The following WDR49 variants were observed in gnomAD, a reference collection of about 807,000 sequenced individuals.
The protein encoded by WDR49 is cilia- and flagella-associated protein 337.
Under a neutral mutation model 119.5 loss-of-function variants are expected in WDR49, and 107 were observed. The observed-to-expected ratio is 0.90, with a 90% confidence interval of 0.77 to 1.05. The LOEUF is 1.05. Among genes scored for constraint, WDR49 ranks in the 50% least tolerant of loss-of-function variants. The pLI, the probability that WDR49 is intolerant of heterozygous loss-of-function variation, is 0.00. For missense variants in WDR49, 1,240 were observed against 1,220.5 expected (o/e 1.02, Z -0.24); for synonymous variants, 425 against 418.8 (o/e 1.01, Z -0.18).
intron 7 of WDR49, among the ~76,000 whole-genome samples, chr3:167,596,793 C>A (rs1301345317): frequency 1.3e-5 from 2 of 150,650 alleles, no homozygotes; most frequent in African/African-American, 4.9e-5. Context: ...GTGGGTGCAG[C>A]GCACCAGCAT....
At chr3:167,596,040 C>G (rs1226341310) in intron 7 of WDR49, among the ~76,000 whole-genome samples, 1 of 144,110 alleles carries the variant, frequency 6.9e-6, no homozygotes, top group Admixed American at 7.0e-5. Flanking sequence ...ACAAACAACC[C>G]CATCAAAAAG....
intron 16 of WDR49, among the ~76,000 whole-genome samples, chr3:167,516,854 T>C (rs1166990672): frequency 6.6e-6 from 1 of 151,938 alleles, no homozygotes; most frequent in Non-Finnish European, 1.5e-5. Flanking sequence ...TACAATGAAC[T>C]CAAACAAATT....
chr3:167,541,298 G>A (rs763514334), intron 10 of WDR49, among the ~76,000 whole-genome samples: 4 of 152,084 alleles, frequency 2.6e-5, no homozygotes, highest in Non-Finnish European at 5.9e-5. Flanking sequence ...GGGCTAAGAA[G>A]CAAAAGCATC....
At position 167,578,424 on chromosome 3, in the gene WDR49, T is replaced by C. The variant is rs967562679; in HGVS notation, c.1276-2273A>G. 5.3e-5 allele frequency among the ~76,000 whole-genome samples: 8 copies of C among 152,290 alleles called. No individual in the cohort carries two copies. In the East Asian group the frequency reaches 1.5e-3, roughly 29 times the overall value. On this transcript the variant is annotated intron_variant, in intron 7 of 18. Coordinates refer to ENST00000682715, the MANE Select transcript of WDR49 (RefSeq NM_001366157.1). Reference sequence around the variant, plus strand: ...TATGATTTTTTTCCACAACACTAAATAATATAATTGTGCACACATGTGTGT... The same window carrying C: ...TATGATTTTTTTCCACAACACTAAACAATATAATTGTGCACACATGTGTGT...
intron 5 of WDR49, among the ~76,000 whole-genome samples, chr3:167,610,162 A>T (rs1398247419): frequency 6.6e-6 from 1 of 152,146 alleles, no homozygotes; most frequent in African/African-American, 2.4e-5. Context: ...GCAGAGGGAA[A>T]AGTAAAGGGG....
chr3:167,494,858 G>A (rs965315203), intron 18 of WDR49, among the ~76,000 whole-genome samples: 9 of 152,130 alleles, frequency 5.9e-5, no homozygotes, highest in African/African-American at 2.2e-4. Context: ...CTGCAGTTTT[G>A]CAGTACGTGG....
chr3:167,641,425 G>A (rs1168766083), intron 2 of WDR49, among the ~76,000 whole-genome samples: 1 of 151,780 alleles, frequency 6.6e-6, no homozygotes, highest in Non-Finnish European at 1.5e-5. Context: ...ATGAGATATT[G>A]GTATATCTTA....
At chr3:167,655,641 G>A (rs965984926), upstream of WDR49, among the ~76,000 whole-genome samples, 2 of 152,174 alleles carry the variant, frequency 1.3e-5, no homozygotes, top group African/African-American at 2.4e-5. Context: ...GCTCATGCCT[G>A]TAATTCCATA....
In WDR49 at chr3:167,559,535, T is replaced by C. The variant is rs375725032; in HGVS notation, c.1674+529A>G. Among the ~76,000 whole-genome samples, 3 of 152,342 alleles carry C rather than the reference T, an allele frequency of 2.0e-5. No homozygotes were observed. The East Asian group carries it at 5.8e-4, about 29-fold the overall frequency. On this transcript the variant is annotated intron_variant, in intron 9 of 18. Transcript: ENST00000682715. ...TAAGAAACTTAGAAATATAAAATCA[T>C]GTAAGTTTAGAATGGATAAGATTAT...
rs148171907 is a variant in WDR49, at chr3:167,566,186, C to T, written c.1510-5958G>A. Among the ~76,000 whole-genome samples the T allele has an allele frequency of 7.9e-5, 12 of 152,264 alleles. No homozygotes were observed. The East Asian group carries it at 2.1e-3, about 27-fold the overall frequency. The stretch of plus-strand genomic sequence containing the variant: ...TTTATGGAGAGCATTTGGCAATATT[C>T]GTCAAGATTACAGATGTAAATATTC... On this transcript the variant is annotated intron_variant, in intron 8 of 18. Coordinates refer to ENST00000682715, the MANE Select transcript of WDR49 (RefSeq NM_001366157.1).
chr3:167,498,997 G>C (rs1438404447), intron 18 of WDR49, among the ~76,000 whole-genome samples: 1 of 152,126 alleles, frequency 6.6e-6, no homozygotes, highest in Admixed American at 6.5e-5. Flanking sequence ...GCCCCCAAAA[G>C]AGCCCTAAAG....
intron 10 of WDR49, among the ~76,000 whole-genome samples, chr3:167,538,031 A>ACCCT (rs1220657042): frequency 2.6e-5 from 4 of 151,028 alleles, no homozygotes; most frequent in Non-Finnish European, 5.9e-5. Context: ...TCTTTCTCTC[A>ACCCT]CCCTTTTTAA....
At chr3:167,519,777 G>A (rs1752364197) in intron 16 of WDR49, among the ~76,000 whole-genome samples, 1 of 152,038 alleles carries the variant, frequency 6.6e-6, no homozygotes, top group African/African-American at 2.4e-5. Context: ...TCCTACACAT[G>A]TACCCCAGAA....
At chr3:167,649,383 A>G (rs1480473648) in intron 2 of WDR49, among the ~76,000 whole-genome samples, 1 of 152,178 alleles carries the variant, frequency 6.6e-6, no homozygotes, top group Non-Finnish European at 1.5e-5. Context: ...CTGGCAGGAC[A>G]TCAACATCCT....
chr3:167,549,984 G>A (rs1159177703), intron 10 of WDR49, among the ~76,000 whole-genome samples: 3 of 152,116 alleles, frequency 2.0e-5, no homozygotes, highest in African/African-American at 7.2e-5. Context: ...TGTCAGGTTT[G>A]ACAAAGATCA....
chr3:167,635,235 A>G (rs1717555150), intron 2 of WDR49, among the ~76,000 whole-genome samples: 1 of 151,780 alleles, frequency 6.6e-6, no homozygotes, highest in Admixed American at 6.6e-5. Context: ...TGTCCTGAAA[A>G]TTGTTTTTAT....
chr3:167,655,658 G>A (rs1182294221), upstream of WDR49, among the ~76,000 whole-genome samples: 1 of 152,272 alleles, frequency 6.6e-6, no homozygotes, highest in Admixed American at 6.5e-5. Flanking sequence ...CATATTTTGG[G>A]AAGCCAAGAC....
intron 8 of WDR49, among the ~76,000 whole-genome samples, chr3:167,562,692 C>A (rs1404262142): frequency 2.6e-5 from 4 of 152,172 alleles, no homozygotes; most frequent in Non-Finnish European, 5.9e-5. Context: ...TTGTTAGGAG[C>A]ACTGGATCTG....
chr3:167,648,047 GGCCAGTGGAAATCAT>G (rs1323275118), intron 2 of WDR49, among the ~76,000 whole-genome samples: 2 of 151,340 alleles, frequency 1.3e-5, no homozygotes, highest in African/African-American at 4.9e-5. Context: ...GTTATCTTGT[GGCCAGTGGAAATCAT>G]GCCATATATG....
Sources: allele counts gnomAD v4.1 joint callset (sites outside exome capture counted in the v4.1 genomes callset), GRCh38; gene constraint gnomAD v4.1.1; transcripts MANE v1.5; gene names NCBI Gene and HGNC (gene_info 2026-07-23, HGNC 2026-07-21).